ENTREP2: variants seen among roughly 807,000 people sequenced by gnomAD.
The protein encoded by ENTREP2 is protein ENTREP2.
the ENTREP2 span, among the ~76,000 whole-genome samples, chr15:29,458,128 G>T: frequency 6.6e-6 from 1 of 152,116 alleles, no homozygotes; most frequent in South Asian, 2.1e-4. Context: ...CTAGCATGTC[G>T]GTCAGTCTGA....
the ENTREP2 span, among the ~76,000 whole-genome samples, chr15:29,487,159 T>G: frequency 2.0e-5 from 3 of 152,208 alleles, no homozygotes; most frequent in African/African-American, 7.2e-5. Flanking sequence ...TATGTACAGT[T>G]ATTATTTGAC....
At chr15:29,384,512 C>T in the ENTREP2 span, among the ~76,000 whole-genome samples, 1 of 152,290 alleles carries the variant, frequency 6.6e-6, no homozygotes, top group South Asian at 2.1e-4. Flanking sequence ...ACCGCATCAC[C>T]CTGGCCTGAC....
chr15:29,213,858 C>T, the ENTREP2 span, among the ~76,000 whole-genome samples: 1 of 152,122 alleles, frequency 6.6e-6, no homozygotes. Context: ...AAAAAAACAA[C>T]CCTATCTAAA....
At chr15:29,439,571 C>G in the ENTREP2 span, among the ~76,000 whole-genome samples, 1 of 152,028 alleles carries the variant, frequency 6.6e-6, no homozygotes, top group African/African-American at 2.4e-5. Flanking sequence ...AGAAAGTCAC[C>G]CCCAGAACAC....
At chr15:29,434,726 C>T in the ENTREP2 span, among the ~76,000 whole-genome samples, 1 of 152,152 alleles carries the variant, frequency 6.6e-6, no homozygotes, top group African/African-American at 2.4e-5. Context: ...GCTCCTCAAG[C>T]AGAGATCAGA....
the ENTREP2 span, among the ~76,000 whole-genome samples, chr15:29,204,635 C>G: frequency 6.6e-6 from 1 of 152,008 alleles, no homozygotes; most frequent in Non-Finnish European, 1.5e-5. Flanking sequence ...GTTCCCGGAC[C>G]CCAGTGAGGA....
At chr15:29,440,944 A>C in the ENTREP2 span, among the ~76,000 whole-genome samples, 3 of 152,220 alleles carry the variant, frequency 2.0e-5, no homozygotes, top group African/African-American at 7.2e-5. Flanking sequence ...CAGAATGACC[A>C]TATGATCCAG....
At chr15:29,536,825 A>ACTTTTACACTATTGGTGG in the ENTREP2 span, among the ~76,000 whole-genome samples, 1 of 152,086 alleles carries the variant, frequency 6.6e-6, no homozygotes, top group South Asian at 2.1e-4. Context: ...CCCCAGGTGA[A>ACTTTTACACTATTGGTGG]GACGGAGGCA....
the ENTREP2 span, among the ~76,000 whole-genome samples, chr15:29,427,006 G>T: frequency 6.6e-6 from 1 of 152,116 alleles, no homozygotes; most frequent in Non-Finnish European, 1.5e-5. Context: ...GAAAACTGTA[G>T]CCATGTGGCC....
the ENTREP2 span, among the ~76,000 whole-genome samples, chr15:29,218,102 G>A: frequency 3.3e-5 from 5 of 152,160 alleles, no homozygotes; most frequent in Admixed American, 6.5e-5. Flanking sequence ...GATGTGAACC[G>A]TCAATGGGTC....
chr15:29,467,366 G>A, the ENTREP2 span, among the ~76,000 whole-genome samples: 2 of 152,134 alleles, frequency 1.3e-5, no homozygotes, highest in Admixed American at 6.5e-5. Flanking sequence ...CCAGACTTGT[G>A]GTCTGTTCAT....
the ENTREP2 span, chr15:29,123,169 A>G: frequency 4.8e-6 from 3 of 621,864 alleles, no homozygotes; most frequent in Admixed American, 3.3e-5. Context: ...CCCTCGAGAG[A>G]GGGGGTAACA....
chr15:29,570,515 GC>G, the ENTREP2 span: 1 of 1,410,724 alleles, frequency 7.1e-7, no homozygotes. Flanking sequence ...CGAGAAGCCT[GC>G]CCAGAAGGGG....
At chr15:29,125,684 T>C in the ENTREP2 span, among the ~76,000 whole-genome samples, 2 of 152,226 alleles carry the variant, frequency 1.3e-5, no homozygotes, top group Non-Finnish European at 2.9e-5. Flanking sequence ...TGGGTGTGAG[T>C]TCTCCAGCGC....
chr15:29,311,222 A>G, the ENTREP2 span, among the ~76,000 whole-genome samples: 1 of 152,320 alleles, frequency 6.6e-6, no homozygotes, highest in Non-Finnish European at 1.5e-5. Flanking sequence ...TTATTCTTCC[A>G]TAGCTTGTGT....
At chr15:29,122,231 C>G in the ENTREP2 span, 1 of 151,714 alleles carries the variant, frequency 6.6e-6, no homozygotes, top group East Asian at 1.9e-4. Context: ...ACTGATGCCA[C>G]CAGAAAACAA....
the ENTREP2 span, among the ~76,000 whole-genome samples, chr15:29,396,127 T>C: frequency 2.0e-5 from 3 of 152,312 alleles, no homozygotes; most frequent in South Asian, 6.2e-4. Context: ...TAAGAACATA[T>C]GAAGTCTCTT....
chr15:29,600,961 G>A, the ENTREP2 span, among the ~76,000 whole-genome samples: 28 of 140,172 alleles, frequency 2.0e-4, no homozygotes, highest in East Asian at 4.2e-4. Context: ...GCAGTGGCGC[G>A]ATCTCTGCTC....
the ENTREP2 span, among the ~76,000 whole-genome samples, chr15:29,492,430 T>TTAGAGAGCAAGTCATAATTATCACCA: frequency 6.6e-6 from 1 of 152,208 alleles, no homozygotes; most frequent in African/African-American, 2.4e-5. Flanking sequence ...TTTCCATGTG[T>TTAGAGAGCAAGTCATAATTATCACCA]TAGAGAGCAA....
Sources: allele counts gnomAD v4.1 joint callset (sites outside exome capture counted in the v4.1 genomes callset), GRCh38; gene constraint gnomAD v4.1.1; transcripts MANE v1.5; gene names NCBI Gene and HGNC (gene_info 2026-07-23, HGNC 2026-07-21).